LRMDA: variants seen among roughly 807,000 people sequenced by gnomAD.
LRMDA encodes leucine rich melanocyte differentiation associated.
Under a neutral mutation model 29.8 loss-of-function variants are expected in LRMDA, and 18 were observed. That is an observed-to-expected ratio of 0.60 (90% CI 0.42 to 0.90). The LOEUF is 0.90. LRMDA is among the 40% of genes least tolerant of loss of function. LRMDA has a pLI of 0.00. For synonymous variants in LRMDA, 125 were observed against 109.4 expected (o/e 1.14, Z -0.89); for missense variants, 273 against 273.9 (o/e 1.00, Z 0.02).
chr10:75,830,216 C>A (rs1589221494), intron 2 of LRMDA, among the ~76,000 whole-genome samples: 1 of 152,152 alleles, frequency 6.6e-6, no homozygotes, highest in Non-Finnish European at 1.5e-5. Context: ...AGTAACCCAG[C>A]AGATGCTCAG....
rs2132404045 is a variant in LRMDA, at chr10:76,559,626, CA to C, written c.*2339del. The C allele has an allele frequency of 6.6e-6, 1 of 152,316 alleles. No individual in the cohort carries two copies. The highest frequency in any genetic ancestry group is 2.4e-5 in the African/African-American group (1 of 41,566). 9.4% of individuals were successfully genotyped at this position (152,316 alleles called of 1,614,324 possible). A position where few individuals can be genotyped will look rare whatever the true frequency, so the allele number is the denominator to read the frequency against. ...ATTGGCAGAGGTAGAACCCATGTTG[CA>C]TGTTTATCCTAAATCTGTAGGAATT... On this transcript the variant is annotated 3_prime_UTR_variant, in exon 7 of 7. Coordinates refer to ENST00000611255, the MANE Select transcript of LRMDA (RefSeq NM_001305581.2).
intron 2 of LRMDA, among the ~76,000 whole-genome samples, chr10:75,885,083 G>C (rs1440233882): frequency 6.6e-6 from 1 of 152,150 alleles, no homozygotes; most frequent in Admixed American, 6.5e-5. Context: ...CAGCAGTTCA[G>C]GAGGCTGGGG....
At chr10:76,082,282 G>A (rs73281584) in intron 5 of LRMDA, among the ~76,000 whole-genome samples, 9,417 of 152,150 alleles carry the variant, frequency 0.062, 781 homozygotes, top group African/African-American at 0.19. Flanking sequence ...CCTAGAAAGT[G>A]TGATATTTGA....
chr10:76,276,660 C>A (rs1472209372), intron 5 of LRMDA, among the ~76,000 whole-genome samples: 1 of 152,080 alleles, frequency 6.6e-6, no homozygotes, highest in Admixed American at 6.6e-5. Flanking sequence ...TTTTTTTACA[C>A]AAATGTGACT....
At chr10:76,529,077 G>A (rs1271049973) in intron 6 of LRMDA, among the ~76,000 whole-genome samples, 3 of 152,054 alleles carry the variant, frequency 2.0e-5, no homozygotes, top group Non-Finnish European at 2.9e-5. Flanking sequence ...TGACACCAAG[G>A]AGGCCTCCAG....
At chr10:76,324,571 G>A (rs939416184) in intron 6 of LRMDA, 86 bp downstream of exon 6, 84 of 1,187,432 alleles carry the variant, frequency 7.1e-5, no homozygotes, top group African/African-American at 1.4e-4. Flanking sequence ...CTGCTGCCTC[G>A]GCACTTTAGA....
At chr10:75,577,511 C>T (rs1388856132) in intron 2 of LRMDA, among the ~76,000 whole-genome samples, 5 of 152,190 alleles carry the variant, frequency 3.3e-5, no homozygotes, top group African/African-American at 7.2e-5. Context: ...TAAGGCAGGC[C>T]AACATTCAAT....
chr10:75,825,665 A>G (rs1281622686), intron 2 of LRMDA, among the ~76,000 whole-genome samples: 1 of 152,226 alleles, frequency 6.6e-6, no homozygotes, highest in Non-Finnish European at 1.5e-5. Context: ...ATGATATATG[A>G]AACCATAACC....
At chr10:76,449,871 G>A (rs1205997043) in intron 6 of LRMDA, among the ~76,000 whole-genome samples, 1 of 151,900 alleles carries the variant, frequency 6.6e-6, no homozygotes, top group African/African-American at 2.4e-5. Context: ...TTTACCTGGT[G>A]TTATGCTATC....
intron 2 of LRMDA, among the ~76,000 whole-genome samples, chr10:75,512,666 G>A (rs1221810709): frequency 6.6e-6 from 1 of 152,122 alleles, no homozygotes; most frequent in Admixed American, 6.5e-5. Context: ...GTTCCCAGAG[G>A]AATGAAATGG....
intron 5 of LRMDA, among the ~76,000 whole-genome samples, chr10:76,234,238 G>A (rs940140329): frequency 1.3e-5 from 2 of 152,130 alleles, no homozygotes; most frequent in Non-Finnish European, 2.9e-5. Flanking sequence ...TATTGTCAAT[G>A]AGCAGTAATA....
At chr10:76,172,802 C>T (rs1235421120) in intron 5 of LRMDA, among the ~76,000 whole-genome samples, 1 of 152,168 alleles carries the variant, frequency 6.6e-6, no homozygotes, top group East Asian at 1.9e-4. Flanking sequence ...AACCTAAAAA[C>T]AAGCTTCAAA....
At chr10:76,059,777 G>A (rs987958223) in intron 5 of LRMDA, among the ~76,000 whole-genome samples, 6 of 152,214 alleles carry the variant, frequency 3.9e-5, no homozygotes, top group Non-Finnish European at 8.8e-5. Context: ...TTGCTCTGCT[G>A]GCAGCAGACC....
chr10:76,337,988 T>G (rs1840990110), intron 6 of LRMDA, among the ~76,000 whole-genome samples: 1 of 152,008 alleles, frequency 6.6e-6, no homozygotes, highest in African/African-American at 2.4e-5. Flanking sequence ...TGATAGATTA[T>G]TTTAACACTG....
At chr10:75,784,688 C>T (rs560885910) in intron 2 of LRMDA, among the ~76,000 whole-genome samples, 1 of 143,190 alleles carries the variant, frequency 7.0e-6, no homozygotes, top group Non-Finnish European at 1.5e-5. Context: ...GGCGACAGAG[C>T]GAGACTCCAT....
At chr10:75,928,298 T>TA (rs1846154225) in intron 2 of LRMDA, among the ~76,000 whole-genome samples, 2 of 150,526 alleles carry the variant, frequency 1.3e-5, no homozygotes, top group Admixed American at 1.3e-4. Context: ...TTTTTTTTTT[T>TA]ACACTTTGAG....
chr10:75,536,721 T>A (rs1000038601), intron 2 of LRMDA, among the ~76,000 whole-genome samples: 1 of 152,148 alleles, frequency 6.6e-6, no homozygotes, highest in Non-Finnish European at 1.5e-5. Context: ...TAGCTGGGGA[T>A]AATTCTTAAA....
intron 2 of LRMDA, among the ~76,000 whole-genome samples, chr10:75,473,030 G>A (rs1844744371): frequency 6.6e-6 from 1 of 152,212 alleles, no homozygotes. Context: ...CCTAGCATGG[G>A]GTTTGGTCTG....
rs564621179 is a variant in LRMDA, at chr10:75,989,671, C to T, written c.132-46337C>T. 2.6e-5 allele frequency among the ~76,000 whole-genome samples: 4 copies of T among 152,340 alleles called. No homozygotes were observed. In the South Asian group the frequency reaches 8.3e-4, roughly 32 times the overall value. On this transcript the variant is annotated intron_variant, in intron 2 of 6. Transcript: ENST00000611255. ...TCTGTGTGCATTTTCTTGCTTTCCTCACCACAACCCCATGAGGTAGGCTAG... is the reference window on the plus strand; with the variant it reads ...TCTGTGTGCATTTTCTTGCTTTCCTTACCACAACCCCATGAGGTAGGCTAG...
Sources: allele counts gnomAD v4.1 joint callset (sites outside exome capture counted in the v4.1 genomes callset), GRCh38; gene constraint gnomAD v4.1.1; transcripts MANE v1.5; gene names NCBI Gene and HGNC (gene_info 2026-07-23, HGNC 2026-07-21).